CACNA1B: variants seen among roughly 807,000 people sequenced by gnomAD.
The protein encoded by CACNA1B is voltage-dependent N-type calcium channel subunit alpha-1B.
A neutral mutation model predicts 247.2 loss-of-function variants in CACNA1B; 70 were observed. The observed-to-expected ratio is 0.28, with a 90% CI of 0.23 to 0.35. The LOEUF (loss-of-function observed/expected upper bound fraction) is 0.35, where lower values mean the gene tolerates loss of function less well. Ranked by LOEUF, CACNA1B falls within the 10% of genes least tolerant of loss-of-function variation. CACNA1B has a pLI of 1.00. For synonymous variants in CACNA1B, 1,231 were observed against 1,294.4 expected (o/e 0.95, Z 1.05); for missense variants, 2,367 against 3,197.4 (o/e 0.74, Z 6.26).
intron 42 of CACNA1B, 86 bp from the exon 43 acceptor site, chr9:138,117,860 C>T (rs751575937): frequency 1.9e-4 from 209 of 1,072,650 alleles, no homozygotes; most frequent in Non-Finnish European, 2.6e-4. Context: ...GTGTTGGAGA[C>T]GCCTGGCAGG....
At chr9:138,033,749 A>G (rs1375602952) in intron 20 of CACNA1B, among the ~76,000 whole-genome samples, 2 of 152,198 alleles carry the variant, frequency 1.3e-5, no homozygotes, top group South Asian at 4.1e-4. Context: ...GAGTGAGCGC[A>G]AGACACTTAA....
intron 12 of CACNA1B, among the ~76,000 whole-genome samples, chr9:137,979,862 T>C (rs1958273808): frequency 6.6e-6 from 1 of 152,174 alleles, no homozygotes; most frequent in African/African-American, 2.4e-5. Flanking sequence ...TGTGCAGTGG[T>C]AGGATGGGCA....
intron 37 of CACNA1B, among the ~76,000 whole-genome samples, chr9:138,097,665 G>A (rs1007455527): frequency 6.6e-6 from 1 of 152,130 alleles, no homozygotes; most frequent in East Asian, 1.9e-4. Flanking sequence ...GGGTGCCACC[G>A]AGGCCTGCCT....
chr9:137,978,494 C>A (rs1354645916), intron 12 of CACNA1B, among the ~76,000 whole-genome samples: 1 of 151,740 alleles, frequency 6.6e-6, no homozygotes, highest in Non-Finnish European at 1.5e-5. Context: ...GGAGTGCCCT[C>A]CCATGAAGGA....
intron 36 of CACNA1B, among the ~76,000 whole-genome samples, chr9:138,081,042 G>A (rs1417846029): frequency 2.6e-5 from 4 of 152,206 alleles, no homozygotes; most frequent in Admixed American, 2.6e-4. Context: ...GGGCTTTTTG[G>A]AGAATCACTT....
chr9:138,053,819 A>G (rs531561406), intron 25 of CACNA1B, 27 bp from the exon 26 acceptor site: 3 of 1,503,702 alleles, frequency 2.0e-6, no homozygotes, highest in African/African-American at 3.1e-5. Context: ...CCACCCCCTC[A>G]TCATGGCTCC....
rs958972984 is a variant in CACNA1B at position 138,019,914 on chromosome 9, A to G, written c.2268-3097A>G. On this transcript the variant is annotated intron_variant, in intron 18 of 46. Transcript: ENST00000371372. Reference sequence around the variant, plus strand: ...GGAGTTCGAGACCAGCCTGGGCAACATGGTGAAACCCTGTCTCTACTAAAT... The same window carrying G: ...GGAGTTCGAGACCAGCCTGGGCAACGTGGTGAAACCCTGTCTCTACTAAAT... Among the ~76,000 whole-genome samples the G allele has an allele frequency of 2.6e-5, 4 of 152,128 alleles. No individual in the cohort carries two copies. The South Asian group carries it at 6.2e-4, about 24-fold the overall frequency.
chr9:137,921,589 A>G (rs35299303), intron 6 of CACNA1B, among the ~76,000 whole-genome samples: 1,721 of 39,422 alleles, frequency 0.044, no homozygotes, highest in Middle Eastern at 0.12. Flanking sequence ...AACATGATCA[A>G]CACCACGACC....
At chr9:137,897,298 G>A (rs1418337997) in intron 3 of CACNA1B, among the ~76,000 whole-genome samples, 1 of 151,970 alleles carries the variant, frequency 6.6e-6, no homozygotes, top group Non-Finnish European at 1.5e-5. Context: ...TTGCTTCTTA[G>A]GTTGGGTGCG....
chr9:137,892,528 C>T (rs1160263014), intron 3 of CACNA1B: 1 of 371,252 alleles, frequency 2.7e-6, no homozygotes, highest in Non-Finnish European at 5.4e-6. Flanking sequence ...CTTTCTCACG[C>T]TTCTCTGTCA....
intron 10 of CACNA1B, among the ~76,000 whole-genome samples, chr9:137,965,572 A>ATTTT (rs1052564159): frequency 2.8e-5 from 4 of 142,704 alleles, no homozygotes; most frequent in African/African-American, 1.1e-4. Context: ...GTCCTACTTC[A>ATTTT]TTTTATTTAT....
intron 10 of CACNA1B, among the ~76,000 whole-genome samples, chr9:137,964,441 G>A (rs1418309961): frequency 1.3e-5 from 2 of 151,946 alleles, no homozygotes; most frequent in Non-Finnish European, 2.9e-5. Flanking sequence ...CAGAAAAATT[G>A]TCTTCCAGCT....
chr9:138,047,300 G>T, intron 22 of CACNA1B, 99 bp from the exon 23 acceptor site: 1 of 913,926 alleles, frequency 1.1e-6, no homozygotes, highest in South Asian at 1.4e-5. Context: ...CTCCCTGGCT[G>T]ACTGCTCAGA....
intron 39 of CACNA1B, among the ~76,000 whole-genome samples, chr9:138,109,466 T>C (rs1961548594): frequency 6.6e-6 from 1 of 152,230 alleles, no homozygotes; most frequent in African/African-American, 2.4e-5. Flanking sequence ...TAAACAGCCA[T>C]GGTCCTGCTG....
chr9:138,022,813 G>T (rs1048396864), intron 18 of CACNA1B, among the ~76,000 whole-genome samples, 198 bp from the exon 19 acceptor site: 1 of 151,982 alleles, frequency 6.6e-6, no homozygotes, highest in East Asian at 1.9e-4. Flanking sequence ...CGTGGGGGGG[G>T]GGGGCGGCGG....
At chr9:137,897,263 A>G (rs765854068) in intron 3 of CACNA1B, among the ~76,000 whole-genome samples, 1 of 151,996 alleles carries the variant, frequency 6.6e-6, no homozygotes, top group Non-Finnish European at 1.5e-5. Context: ...GTTTTTTTCT[A>G]ACATATACAT....
intron 36 of CACNA1B, among the ~76,000 whole-genome samples, chr9:138,089,623 T>G (rs1420541686): frequency 6.6e-6 from 1 of 152,074 alleles, no homozygotes; most frequent in Non-Finnish European, 1.5e-5. Flanking sequence ...TTATTCAACA[T>G]AGTACTGGAA....
Position 138,057,723 on chromosome 9 carries a change from C to A in CACNA1B, c.3969-9C>A. On this transcript the variant is annotated splice_polypyrimidine_tract_variant and intron_variant, in intron 26 of 46. Coordinates refer to ENST00000371372, the MANE Select transcript of CACNA1B (RefSeq NM_000718.4). The surrounding 1 kb of genome is among the most constrained non-coding windows in gnomAD (Gnocchi z 4.0). ...TTTGCCCTCTAACCTCCCATGTTCT[C>A]ATTCCTAGGGGTCAGTATTTGGATT... 1.9e-6 allele frequency: 3 copies of A among 1,601,092 alleles called. No individual in the cohort carries two copies. Among genetic ancestry groups the A allele is most frequent in the Non-Finnish European group, 2.6e-6 (3 of 1,169,622 alleles).
At chr9:138,086,982 AAAAT>A (rs1180955322) in intron 36 of CACNA1B, among the ~76,000 whole-genome samples, 1 of 150,090 alleles carries the variant, frequency 6.7e-6, no homozygotes, top group Non-Finnish European at 1.5e-5. Flanking sequence ...TAACAATAAT[AAAAT>A]AAAACTAGAA....
Sources: gnomAD v4.1 joint callset for allele counts (sites outside exome capture counted in the v4.1 genomes callset) on GRCh38, gnomAD v4.1.1 for gene constraint, Gnocchi (gnomAD v3.1) non-coding constraint, MANE v1.5 for transcripts, NCBI Gene and HGNC (gene_info 2026-07-23, HGNC 2026-07-21) for gene names.